The following HNRNPUL1 variants were observed in gnomAD, a reference collection of about 807,000 sequenced individuals.
The protein encoded by HNRNPUL1 is heterogeneous nuclear ribonucleoprotein U like 1, also known as heterogeneous nuclear ribonucleoprotein U-like protein 1.
HNRNPUL1 carries 14 observed loss-of-function variants against 108.5 expected under a neutral mutation model. The observed-to-expected ratio is 0.13, with a 90% CI of 0.09 to 0.20. HNRNPUL1 has a LOEUF of 0.20. HNRNPUL1 is among the 10% of genes least tolerant of loss of function. The probability of loss-of-function intolerance (pLI) is 1.00; values close to 1 mark genes in which losing one functional copy is unlikely to be tolerated. For synonymous variants in HNRNPUL1, 422 were observed against 445.2 expected (o/e 0.95, Z 0.66); for missense variants, 804 against 1,168.3 (o/e 0.69, Z 4.55).
At chr19:41,300,991 A>G (rs1305003989) in intron 10 of HNRNPUL1, among the ~76,000 whole-genome samples, 3 of 152,268 alleles carry the variant, frequency 2.0e-5, no homozygotes, top group African/African-American at 7.2e-5. Flanking sequence ...CCATTAAAAA[A>G]GAATACTGCA....
At chr19:41,265,712 G>A (rs1488366202) in intron 1 of HNRNPUL1, among the ~76,000 whole-genome samples, 2 of 152,072 alleles carry the variant, frequency 1.3e-5, no homozygotes, top group Admixed American at 1.3e-4. Context: ...GCTAACTGTG[G>A]GGTTTTTGGA....
At chr19:41,299,071 G>C (rs11879562) in intron 10 of HNRNPUL1, among the ~76,000 whole-genome samples, 31,213 of 152,066 alleles carry the variant, frequency 0.21, 3,579 homozygotes, top group East Asian at 0.35. Flanking sequence ...TTCTGCTTTG[G>C]TTTTAGGAAT....
At position 41,292,003 on chromosome 19, in the gene HNRNPUL1, AAAAC is replaced by A; in HGVS notation, c.1000-241_1000-238del. 1.9e-6 allele frequency: 1 copy of A among 527,710 alleles called. No homozygotes were observed. The highest frequency in any genetic ancestry group is 3.4e-6 in the Non-Finnish European group (1 of 296,210). The allele number at this position is 527,710 out of a possible 1,614,324, so 32.7% of individuals were successfully genotyped here. ...TCAAAAAAAAAAAAAACAAAAAAAA[AAAAC>A]TCTTGCTTACTTGCTTCATATCCAC... is the stretch of plus-strand genomic sequence containing the variant. On this transcript the variant is annotated intron_variant, in intron 7 of 14. Coordinates refer to ENST00000392006, the MANE Select transcript of HNRNPUL1 (RefSeq NM_007040.6). This position sits in a 1 kb window ranked among gnomAD's most constrained non-coding sequence, Gnocchi z 4.1.
intron 8 of HNRNPUL1, among the ~76,000 whole-genome samples, chr19:41,293,935 A>G (rs1475222293): frequency 6.6e-6 from 1 of 152,146 alleles, no homozygotes; most frequent in African/African-American, 2.4e-5. Context: ...TGAGCCTGGG[A>G]GTTCAAGGCT....
intron 7 of HNRNPUL1, among the ~76,000 whole-genome samples, chr19:41,285,485 C>G (rs549418868): frequency 1.3e-5 from 2 of 152,008 alleles, no homozygotes; most frequent in Admixed American, 1.3e-4. Flanking sequence ...GATTATAGGC[C>G]GGAGACACCA....
At chr19:41,276,960 T>C (rs1008332761) in intron 5 of HNRNPUL1, among the ~76,000 whole-genome samples, 1 of 151,892 alleles carries the variant, frequency 6.6e-6, no homozygotes, top group African/African-American at 2.4e-5. Context: ...TAGCCGGGCA[T>C]GGTGGCGGGT....
upstream of HNRNPUL1, among the ~76,000 whole-genome samples, chr19:41,264,001 CACTT>C (rs992032016): frequency 3.3e-5 from 5 of 152,224 alleles, no homozygotes; most frequent in Non-Finnish European, 5.9e-5. Flanking sequence ...GTTACAGAGA[CACTT>C]AGTTTGATGA....
intron 12 of HNRNPUL1, among the ~76,000 whole-genome samples, chr19:41,303,232 C>T (rs554008372): frequency 6.6e-6 from 1 of 152,058 alleles, no homozygotes; most frequent in Non-Finnish European, 1.5e-5. Flanking sequence ...ACCATGAGCT[C>T]CTTGGAAATA....
In HNRNPUL1 at chr19:41,306,928, C is replaced by T. The variant is rs2037580118; in HGVS notation, c.*363C>T. Reference sequence around the variant, plus strand: ...GAGAATCCCCTCCTGTTCACTCTCCCAACCCTGCTCCAGCCCCTCAGCTTC... The same window carrying T: ...GAGAATCCCCTCCTGTTCACTCTCCTAACCCTGCTCCAGCCCCTCAGCTTC... On this transcript the variant is annotated 3_prime_UTR_variant, in exon 15 of 15. Coordinates refer to ENST00000392006, the MANE Select transcript of HNRNPUL1 (RefSeq NM_007040.6). The T allele has an allele frequency of 5.8e-6, 1 of 171,680 alleles. No individual in the cohort carries two copies. The highest frequency in any genetic ancestry group is 6.3e-5 in the Admixed American group (1 of 15,802). The allele number at this position is 171,680 out of a possible 1,614,324, so 10.6% of individuals were successfully genotyped here. A position where few individuals can be genotyped will look rare whatever the true frequency, so the allele number is the denominator to read the frequency against.
chr19:41,271,980 A>G (rs760662715), intron 2 of HNRNPUL1, 102 bp from the exon 3 acceptor site: 6 of 1,325,956 alleles, frequency 4.5e-6, no homozygotes, highest in Non-Finnish European at 6.3e-6. Context: ...TCATCACTGT[A>G]GTGAGGATCC....
intron 7 of HNRNPUL1, among the ~76,000 whole-genome samples, chr19:41,283,708 G>A (rs998957699): frequency 2.0e-5 from 3 of 151,982 alleles, no homozygotes; most frequent in African/African-American, 4.8e-5. Flanking sequence ...CACCTGCCTC[G>A]GCCTCCCAAA....
intron 2 of HNRNPUL1, among the ~76,000 whole-genome samples, chr19:41,270,468 A>T (rs1038441178): frequency 6.7e-6 from 1 of 149,444 alleles, no homozygotes; most frequent in African/African-American, 2.5e-5. Context: ...TGCTGAAAAT[A>T]TTTTTTTTAA....
rs1240733989 is a variant in HNRNPUL1 at position 41,292,876 on chromosome 19, G to T, written c.1266+365G>T. On this transcript the variant is annotated intron_variant, in intron 8 of 14. Coordinates refer to ENST00000392006, the MANE Select transcript of HNRNPUL1 (RefSeq NM_007040.6). This position sits in a 1 kb window ranked among gnomAD's most constrained non-coding sequence, Gnocchi z 4.1. ...TTTTTTTCTTTAGAGACAGGGTCTC[G>T]CTCTGTCACCCAGGCTGGAGTGCAG... Among the ~76,000 whole-genome samples the T allele has an allele frequency of 6.6e-6, 1 of 151,880 alleles. No individual in the cohort carries two copies. The highest frequency in any genetic ancestry group is 1.9e-4 in the East Asian group (1 of 5,182).
intron 1 of HNRNPUL1, among the ~76,000 whole-genome samples, chr19:41,267,176 C>G (rs1215467947): frequency 6.6e-6 from 1 of 152,204 alleles, no homozygotes; most frequent in African/African-American, 2.4e-5. Flanking sequence ...ACAGCCCCTC[C>G]AACCCCTGAG....
At chr19:41,279,002 C>T in intron 5 of HNRNPUL1, 75 bp from the exon 6 acceptor site, 1 of 944,052 alleles carries the variant, frequency 1.1e-6, no homozygotes. Flanking sequence ...GCCTGATATG[C>T]TTCCCTCCTA....
chr19:41,272,799 G>A (rs2035322041), intron 3 of HNRNPUL1, among the ~76,000 whole-genome samples: 1 of 152,186 alleles, frequency 6.6e-6, no homozygotes. Context: ...TCAGAAGAGG[G>A]AGCAGCCTCT....
chr19:41,273,080 T>G (rs142290954), intron 3 of HNRNPUL1, among the ~76,000 whole-genome samples: 51 of 152,352 alleles, frequency 3.3e-4, no homozygotes, highest in Non-Finnish European at 6.9e-4. Flanking sequence ...CCACCTCATA[T>G]GGGGTTCTTC....
chr19:41,305,775 A>C lies in HNRNPUL1; in HGVS notation c.2362A>C (p.Ser788Arg), dbSNP rs1568463291. 6.2e-7 allele frequency: 1 copy of C among 1,613,702 alleles called. No individual in the cohort carries two copies. ...PPPPPAYNYG[S>R]YGGYNPAPYT... ...ACCACCACCTGCCTACAACTATGGG[A>C]GCTACGGCGGTTACAACCCGGCCCC... Residue 788 changes from serine (S) to arginine (R), a missense_variant, in exon 14 of 15, where the codon AGC (serine) becomes CGC (arginine). By Grantham distance (110) the Ser-to-Arg change is moderately radical (BLOSUM62 -1). Coordinates refer to ENST00000392006, the MANE Select transcript of HNRNPUL1 (RefSeq NM_007040.6).
intron 7 of HNRNPUL1, among the ~76,000 whole-genome samples, chr19:41,286,851 G>A (rs1352397582): frequency 6.6e-6 from 1 of 151,150 alleles, no homozygotes; most frequent in Admixed American, 6.6e-5. Context: ...CCAAGTAGCT[G>A]GGATTAAGGC....
Sources: gnomAD v4.1 joint callset for allele counts (sites outside exome capture counted in the v4.1 genomes callset) on GRCh38, gnomAD v4.1.1 for gene constraint, Gnocchi (gnomAD v3.1) non-coding constraint, MANE v1.5 for transcripts, NCBI Gene and HGNC (gene_info 2026-07-23, HGNC 2026-07-21) for gene names.